KIAA1217: variants seen among roughly 807,000 people sequenced by gnomAD.
KIAA1217 encodes sickle tail protein homolog.
Under a neutral mutation model 163.9 loss-of-function variants are expected in KIAA1217, and 88 were observed. That is an observed-to-expected ratio of 0.54 (90% CI 0.45 to 0.64). KIAA1217 has a LOEUF of 0.64. Among genes scored for constraint, KIAA1217 ranks in the 30% least tolerant of loss-of-function variants. The pLI, the probability that KIAA1217 is intolerant of heterozygous loss-of-function variation, is 0.00. For synonymous variants in KIAA1217, 903 were observed against 923.1 expected (o/e 0.98, Z 0.39); for missense variants, 2,372 against 2,475.0 (o/e 0.96, Z 0.88).
At chr10:24,341,908 A>C (rs954253700) in intron 2 of KIAA1217, among the ~76,000 whole-genome samples, 1 of 152,158 alleles carries the variant, frequency 6.6e-6, no homozygotes, top group Non-Finnish European at 1.5e-5. Context: ...GAATATCGTC[A>C]TGTGTTCCTA....
At chr10:24,178,780 G>GT (rs370294369) in intron 2 of KIAA1217, among the ~76,000 whole-genome samples, 20 of 151,860 alleles carry the variant, frequency 1.3e-4, no homozygotes, top group African/African-American at 4.4e-4. Flanking sequence ...TTTAGCCTGA[G>GT]TTTTTTTTGT....
chr10:24,269,662 T>G (rs1425744070), intron 2 of KIAA1217, among the ~76,000 whole-genome samples: 2 of 152,230 alleles, frequency 1.3e-5, no homozygotes, highest in Non-Finnish European at 2.9e-5. Flanking sequence ...TGAGTGGGGT[T>G]GGTTTTTCTC....
At chr10:23,828,355 C>G (rs748659001) in intron 1 of KIAA1217, among the ~76,000 whole-genome samples, 1 of 152,146 alleles carries the variant, frequency 6.6e-6, no homozygotes, top group Non-Finnish European at 1.5e-5. Context: ...GCTCTCCAAA[C>G]TTCTAGAAGC....
At chr10:24,250,822 G>A (rs932766268) in intron 2 of KIAA1217, among the ~76,000 whole-genome samples, 2 of 150,408 alleles carry the variant, frequency 1.3e-5, no homozygotes, top group African/African-American at 4.9e-5. Context: ...GGGTGCAGTG[G>A]CTCACACCTG....
At chr10:23,833,752 A>C (rs1301630345) in intron 1 of KIAA1217, among the ~76,000 whole-genome samples, 1 of 151,768 alleles carries the variant, frequency 6.6e-6, no homozygotes, top group Non-Finnish European at 1.5e-5. Flanking sequence ...CTTACCTACT[A>C]CTCTTCAAAT....
intron 1 of KIAA1217, among the ~76,000 whole-genome samples, chr10:23,808,054 G>A (rs1314126031): frequency 6.6e-6 from 1 of 152,238 alleles, no homozygotes; most frequent in Non-Finnish European, 1.5e-5. Flanking sequence ...TCACCAAAGC[G>A]AAGTTAGAAC....
chr10:24,487,506 A>C (rs928347398), intron 6 of KIAA1217, among the ~76,000 whole-genome samples: 1 of 152,250 alleles, frequency 6.6e-6, no homozygotes, highest in Non-Finnish European at 1.5e-5. Context: ...TATTAGAGAG[A>C]ATACCATCAT....
At chr10:24,250,459 G>T (rs983119028) in intron 2 of KIAA1217, among the ~76,000 whole-genome samples, 2 of 151,312 alleles carry the variant, frequency 1.3e-5, no homozygotes, top group Admixed American at 1.3e-4. Flanking sequence ...TTGAAATGGG[G>T]TCTCTCTCTG....
At chr10:24,545,392 A>C (rs755584902) in intron 20 of KIAA1217, 9 of 1,331,678 alleles carry the variant, frequency 6.8e-6, no homozygotes, top group Non-Finnish European at 8.6e-6. Context: ...GTAGTGTTTC[A>C]TCTGAACACC....
At chr10:23,727,537 G>A (rs531942698) in intron 1 of KIAA1217, among the ~76,000 whole-genome samples, 96 of 152,146 alleles carry the variant, frequency 6.3e-4, no homozygotes, top group African/African-American at 2.2e-3. Flanking sequence ...TCCAGTCTGG[G>A]CGACAGAATG....
chr10:24,081,218 C>T (rs1176930143), intron 2 of KIAA1217, among the ~76,000 whole-genome samples: 2 of 152,182 alleles, frequency 1.3e-5, no homozygotes, highest in Non-Finnish European at 2.9e-5. Flanking sequence ...CTGATGTTTA[C>T]TTGCTGTTTA....
rs11430837 is a variant in KIAA1217, at chr10:24,250,439, C to CTT, written c.354+30540_354+30541dup. Among the ~76,000 whole-genome samples, 338 of 144,090 alleles carry CTT rather than the reference C, an allele frequency of 2.3e-3. 4 individuals are homozygous for CTT. The highest frequency in any genetic ancestry group is 6.7e-3 in the African/African-American group (262 of 39,008). The allele number at this position is 144,090 out of a possible 152,430, so 94.5% of individuals were successfully genotyped here. The stretch of plus-strand genomic sequence containing the variant: ...TGGAATTGAAGGGACACATTTGGCA[C>CTT]TTTTTTTTTTTGAAATGGGGTCTCT... On this transcript the variant is annotated intron_variant, in intron 2 of 20. Coordinates refer to ENST00000376454, the MANE Select transcript of KIAA1217 (RefSeq NM_019590.5).
intron 2 of KIAA1217, chr10:24,158,540 T>C (rs1200519087): frequency 1.9e-6 from 1 of 515,420 alleles, no homozygotes; most frequent in Non-Finnish European, 4.0e-6. Context: ...TTCATCATGA[T>C]TGGTGTAAAA....
chr10:24,364,253 A>G (rs2050444000), intron 2 of KIAA1217, among the ~76,000 whole-genome samples: 1 of 152,190 alleles, frequency 6.6e-6, no homozygotes, highest in South Asian at 2.1e-4. Flanking sequence ...TGCTGGGATT[A>G]CAGGCGTGAG....
intron 1 of KIAA1217, among the ~76,000 whole-genome samples, chr10:23,918,382 T>G (rs1001165735): frequency 6.6e-6 from 1 of 152,134 alleles, no homozygotes; most frequent in Non-Finnish European, 1.5e-5. Flanking sequence ...AAATAAACTT[T>G]GAAACCACTA....
intron 1 of KIAA1217, among the ~76,000 whole-genome samples, chr10:23,931,114 C>A (rs183585588): frequency 6.6e-6 from 1 of 152,238 alleles, no homozygotes; most frequent in African/African-American, 2.4e-5. Flanking sequence ...CCTGCTTCTA[C>A]CATGTCTTAC....
chr10:23,805,374 A>G (rs373135107), intron 1 of KIAA1217, among the ~76,000 whole-genome samples: 16 of 152,282 alleles, frequency 1.1e-4, no homozygotes, highest in Admixed American at 5.2e-4. Context: ...TGTCCTCTGC[A>G]GGGACATGGA....
At chr10:24,158,719 A>G in intron 2 of KIAA1217, 2 of 505,202 alleles carry the variant, frequency 4.0e-6, no homozygotes, top group South Asian at 1.5e-5. Context: ...AGATTCTACT[A>G]GTGATTATCA....
At chr10:24,267,054 C>T (rs936907107) in intron 2 of KIAA1217, among the ~76,000 whole-genome samples, 1 of 152,172 alleles carries the variant, frequency 6.6e-6, no homozygotes, top group Non-Finnish European at 1.5e-5. Context: ...CAGGAATCCA[C>T]AAACACCTGC....
Sources: gnomAD v4.1 joint callset for allele counts (sites outside exome capture counted in the v4.1 genomes callset) on GRCh38, gnomAD v4.1.1 for gene constraint, MANE v1.5 for transcripts, NCBI Gene and HGNC (gene_info 2026-07-23, HGNC 2026-07-21) for gene names.